Variants in KLHL4 observed in about 807,000 individuals in gnomAD.
KLHL4 encodes kelch like family member 4.
KLHL4 carries 17 observed loss-of-function variants against 45.8 expected under a neutral mutation model. That is an observed-to-expected ratio of 0.37 (90% CI 0.25 to 0.56). KLHL4 has a LOEUF of 0.56. KLHL4 is among the 20% of genes least tolerant of loss of function. KLHL4 has a pLI of 0.79. For synonymous variants in KLHL4, 224 were observed against 189.9 expected, an observed-to-expected ratio of 1.18 and a Z score of -1.47; for missense variants, 544 against 544.9, an observed-to-expected ratio of 1.00 and a Z score of 0.02.
chrX:87,634,321 A>C (rs1287586262), intron 8 of KLHL4, among the ~76,000 whole-genome samples: 1 of 111,547 alleles, frequency 9.0e-6, no homozygotes. Flanking sequence ...TTCTTTCAAC[A>C]ATCCCTCTCC....
intron 1 of KLHL4, among the ~76,000 whole-genome samples, chrX:87,519,172 G>C (rs1384540652): frequency 1.8e-5 from 2 of 111,434 alleles, no homozygotes; most frequent in African/African-American, 6.5e-5. Flanking sequence ...CATTTTTATA[G>C]TCCCAACGTG....
At chrX:87,664,050 G>T (rs894062079) in intron 9 of KLHL4, among the ~76,000 whole-genome samples, 1 of 111,579 alleles carries the variant, frequency 9.0e-6, no homozygotes, top group Non-Finnish European at 1.9e-5. Flanking sequence ...TTAGATTTTA[G>T]TGTTATATAT....
intron 9 of KLHL4, among the ~76,000 whole-genome samples, chrX:87,653,982 G>A (rs1923902437): frequency 9.0e-6 from 1 of 110,504 alleles, no homozygotes; most frequent in Non-Finnish European, 1.9e-5. Flanking sequence ...CTTGTCAGGG[G>A]AGTGTGGGGG....
intron 1 of KLHL4, among the ~76,000 whole-genome samples, chrX:87,541,005 GT>G (rs897327427): frequency 2.7e-5 from 3 of 110,728 alleles, no homozygotes; most frequent in Admixed American, 9.7e-5. Flanking sequence ...GCAGTCCATT[GT>G]TGACTGAAAC....
In KLHL4 at chrX:87,645,269, A is replaced by T. The variant is rs1454049395; in HGVS notation, c.1925+9494A>T. ...ATGAATAAACAATTCTCAAAAGAAG[A>T]TATACAAATGGCCAATAAACATGTG... is the stretch of plus-strand genomic sequence containing the variant. On this transcript the variant is annotated intron_variant, in intron 9 of 10. Transcript: ENST00000373119. Among the ~76,000 whole-genome samples, 4 of 112,284 alleles carry T rather than the reference A, an allele frequency of 3.6e-5. No homozygotes were observed. In the East Asian group the frequency reaches 1.1e-3, roughly 32 times the overall value.
In KLHL4 at chrX:87,551,394, G is replaced by A. The variant is rs190253184; in HGVS notation, c.422+33079G>A. Among the ~76,000 whole-genome samples, 765 of 111,326 alleles carry A rather than the reference G, an allele frequency of 6.9e-3. 2 individuals are homozygous for A. The highest frequency in any genetic ancestry group is 0.011 in the Non-Finnish European group (604 of 52,882). The stretch of plus-strand genomic sequence containing the variant: ...AACATCCCATGCTCACAGATGGGTA[G>A]AATAAATATTGCAAAAATGACCATA... On this transcript the variant is annotated intron_variant, in intron 1 of 10. Transcript: ENST00000373119.
At position 87,666,583 on chromosome X, in the gene KLHL4, C is replaced by T; in HGVS notation, c.*49C>T. The T allele has an allele frequency of 1.8e-6, 2 of 1,114,678 alleles. No homozygotes were observed. The highest frequency in any genetic ancestry group is 2.4e-6 in the Non-Finnish European group (2 of 843,163). The allele number at this position is 1,114,678 out of a possible 1,213,427, so 91.9% of individuals were successfully genotyped here. A position where few individuals can be genotyped will look rare whatever the true frequency, so the allele number is the denominator to read the frequency against. ...AATGAAACTAGATAATTTCAAGAAA[C>T]TGAGTAGGACAAAGGGAGAAAGAAA... On this transcript the variant is annotated 3_prime_UTR_variant, in exon 11 of 11. Transcript: ENST00000373119.
At chrX:87,615,868 T>A (rs1431348870) in intron 3 of KLHL4, among the ~76,000 whole-genome samples, 1 of 110,781 alleles carries the variant, frequency 9.0e-6, no homozygotes, top group Non-Finnish European at 1.9e-5. Flanking sequence ...CTTTTGGGAG[T>A]GGTGAAAATG....
chrX:87,527,645 C>A (rs1201888563), intron 1 of KLHL4, among the ~76,000 whole-genome samples: 1 of 109,904 alleles, frequency 9.1e-6, no homozygotes, highest in African/African-American at 3.3e-5. Context: ...CACCCCCACA[C>A]ATCCAGCATA....
Position 87,669,192 on chromosome X carries a change from G to T in KLHL4, c.*2658G>T. The T allele has an allele frequency of 9.2e-7, 1 of 1,086,615 alleles. No individual in the cohort carries two copies. The highest frequency in any genetic ancestry group is 1.2e-6 in the Non-Finnish European group (1 of 830,829). The allele number at this position is 1,086,615 out of a possible 1,213,427, so 89.5% of individuals were successfully genotyped here. On this transcript the variant is annotated 3_prime_UTR_variant, in exon 11 of 11. Transcript: ENST00000373119. ...AGGGCTCACACATTTACTGTACTCA[G>T]ATCTGAAAGACAATGTTGCTTCTTG...
chrX:87,535,648 T>A lies in KLHL4; in HGVS notation c.422+17333T>A, dbSNP rs536107471. On this transcript the variant is annotated intron_variant, in intron 1 of 10. Coordinates refer to ENST00000373119, the MANE Select transcript of KLHL4 (RefSeq NM_019117.5). ...AACAGGGTCTCTGGTTGGGGATTCA[T>A]CCGGTCTTTCAGCTTCTGTTCATTA... 1.5e-4 allele frequency among the ~76,000 whole-genome samples: 17 copies of A among 110,904 alleles called. No homozygotes were observed. The South Asian group carries it at 6.6e-3, about 43-fold the overall frequency.
chrX:87,668,548 C>G lies in KLHL4; in HGVS notation c.*2014C>G, dbSNP rs1306969803. On this transcript the variant is annotated 3_prime_UTR_variant, in exon 11 of 11. Coordinates refer to ENST00000373119, the MANE Select transcript of KLHL4 (RefSeq NM_019117.5). ...TGAATATTTTTTTCCCTCGAAAACT[C>G]ATGTTGAAACTTAACTCCTAATGTA... 2 of 661,389 alleles carry G rather than the reference C, an allele frequency of 3.0e-6. No individual in the cohort carries two copies. Among genetic ancestry groups the G allele is most frequent in the Non-Finnish European group, 3.6e-6 (2 of 556,137 alleles). 54.5% of individuals were successfully genotyped at this position (661,389 alleles called of 1,213,427 possible). A position where few individuals can be genotyped will look rare whatever the true frequency, so the allele number is the denominator to read the frequency against.
intron 1 of KLHL4, among the ~76,000 whole-genome samples, chrX:87,609,803 T>C (rs1465675611): frequency 9.0e-6 from 1 of 111,566 alleles, no homozygotes; most frequent in Non-Finnish European, 1.9e-5. Context: ...GTGTTGCCAT[T>C]GCTTTTGGTG....
intron 1 of KLHL4, among the ~76,000 whole-genome samples, chrX:87,552,375 A>AAAAAAT (rs766557258): frequency 1.7e-3 from 186 of 111,069 alleles, no homozygotes; most frequent in African/African-American, 5.9e-3. Context: ...GGCCATAATC[A>AAAAAAT]AAAAATAAAA....
At chrX:87,639,627 A>G (rs1449625501) in intron 9 of KLHL4, among the ~76,000 whole-genome samples, 2 of 111,494 alleles carry the variant, frequency 1.8e-5, no homozygotes, top group East Asian at 5.6e-4. Context: ...GTCACAGTGA[A>G]ATCAAGATTG....
At chrX:87,570,807 G>A (rs1202704678) in intron 1 of KLHL4, among the ~76,000 whole-genome samples, 1 of 110,957 alleles carries the variant, frequency 9.0e-6, no homozygotes, top group African/African-American at 3.3e-5. Context: ...TATGAAATAG[G>A]TGATGAAATA....
intron 1 of KLHL4, among the ~76,000 whole-genome samples, chrX:87,580,630 G>A (rs1385873015): frequency 9.0e-6 from 1 of 111,232 alleles, no homozygotes; most frequent in East Asian, 2.8e-4. Flanking sequence ...TACAAAGAAG[G>A]TAATTTTATA....
intron 1 of KLHL4, among the ~76,000 whole-genome samples, chrX:87,548,278 A>G (rs1039783027): frequency 1.8e-5 from 2 of 111,928 alleles, no homozygotes; most frequent in African/African-American, 6.5e-5. Context: ...TTCAAACATA[A>G]AGAAGAAATA....
chrX:87,644,108 A>T (rs184380624), intron 9 of KLHL4, among the ~76,000 whole-genome samples: 51 of 110,899 alleles, frequency 4.6e-4, no homozygotes, highest in African/African-American at 1.5e-3. Context: ...AGGAAGTCAA[A>T]CTCTCACTGT....
Sources: allele counts gnomAD v4.1 joint callset (sites outside exome capture counted in the v4.1 genomes callset), GRCh38; gene constraint gnomAD v4.1.1; transcripts MANE v1.5; gene names NCBI Gene and HGNC (gene_info 2026-07-23, HGNC 2026-07-21).